SCN10A: variants seen among roughly 807,000 people sequenced by gnomAD.
The protein encoded by SCN10A is sodium channel protein type 10 subunit alpha.
A neutral mutation model predicts 170.7 loss-of-function variants in SCN10A; 162 were observed. The observed-to-expected ratio is 0.95, with a 90% confidence interval of 0.84 to 1.08. The LOEUF (loss-of-function observed/expected upper bound fraction) is 1.08. Among genes scored for constraint, SCN10A ranks in the 50% least tolerant of loss-of-function variants. SCN10A has a pLI of 0.00. For missense variants in SCN10A, 2,527 were observed against 2,436.9 expected (o/e 1.04, Z -0.78); for synonymous variants, 985 against 904.6 (o/e 1.09, Z -1.59).
chr3:38,811,038 A>G (rs1429317367), intron 1 of SCN10A, among the ~76,000 whole-genome samples: 1 of 152,202 alleles, frequency 6.6e-6, no homozygotes, highest in Non-Finnish European at 1.5e-5. Flanking sequence ...ATAATCTTGG[A>G]TACTGGAGCC....
At chr3:38,768,101 C>T (rs1185715548) in intron 5 of SCN10A, among the ~76,000 whole-genome samples, 1 of 151,928 alleles carries the variant, frequency 6.6e-6, no homozygotes, top group Admixed American at 6.6e-5. Flanking sequence ...TATCTTTTCC[C>T]ATCTCTTTAC....
At chr3:38,768,957 C>T (rs904021297) in intron 5 of SCN10A, among the ~76,000 whole-genome samples, 6 of 151,920 alleles carry the variant, frequency 3.9e-5, no homozygotes, top group African/African-American at 1.4e-4. Context: ...TTTAAAAATT[C>T]TTTCTTTTTG....
chr3:38,728,810 G>C lies in SCN10A; in HGVS notation c.2372C>G (p.Thr791Ser), dbSNP rs1303166399. The C allele has an allele frequency of 6.2e-7, 1 of 1,614,154 alleles. No individual in the cohort carries two copies. Among genetic ancestry groups the C allele is most frequent in the Non-Finnish European group, 8.5e-7 (1 of 1,180,030 alleles). Residue 791 changes from threonine to serine, a missense_variant, in exon 16 of 28, where the codon ACC becomes AGC. By Grantham distance (58) the Thr-to-Ser change is moderately conservative. Transcript: ENST00000449082. ...GNSVGALGNL[T>S]IILAIIVFVF... is the part of the protein sequence containing the mutation. ...AAAGACAATGATGGCCAGGATGATG[G>C]TGAGGTTCCCCAGTGCCCCCACTGA...
rs2063098510 is a variant in SCN10A at position 38,697,275 on chromosome 3, C to T, written c.*74G>A. On this transcript the variant is annotated 3_prime_UTR_variant, in exon 28 of 28. Coordinates refer to ENST00000449082, the MANE Select transcript of SCN10A (RefSeq NM_006514.4). ...TGGTGAGGCTGTAGCTGGGTGTGAT[C>T]TGCAATGGGAAAGAGTTAACACAGA... is the stretch of plus-strand genomic sequence containing the variant. 6.4e-7 allele frequency: 1 copy of T among 1,561,344 alleles called. No individual in the cohort carries two copies. The highest frequency in any genetic ancestry group is 2.1e-4 in the Middle Eastern group (1 of 4,848).
intron 5 of SCN10A, 150 bp from the exon 6 acceptor site, chr3:38,763,746 C>T: frequency 1.6e-6 from 1 of 631,246 alleles, no homozygotes; most frequent in Admixed American, 2.7e-5. Flanking sequence ...TATAGACTGA[C>T]ACTGACACTG....
intron 27 of SCN10A, 149 bp downstream of exon 27, chr3:38,701,690 G>A: frequency 1.4e-6 from 1 of 695,688 alleles, no homozygotes; most frequent in African/African-American, 1.8e-5. Flanking sequence ...TTTAAAACTT[G>A]CTACTCTTGG....
intron 4 of SCN10A, among the ~76,000 whole-genome samples, chr3:38,782,768 G>A (rs915646405): frequency 2.6e-5 from 4 of 151,854 alleles, no homozygotes; most frequent in Non-Finnish European, 4.4e-5. Context: ...TTTTTGCAAT[G>A]GTCATTTATT....
intron 20 of SCN10A, 39 bp downstream of exon 20, chr3:38,722,219 T>C (rs1160104104): frequency 2.5e-6 from 4 of 1,591,662 alleles, no homozygotes; most frequent in Non-Finnish European, 3.4e-6. Flanking sequence ...GAGATTCCTA[T>C]CTGGAGGATT....
In SCN10A at chr3:38,698,444, C is replaced by A. The variant is rs765953951; in HGVS notation, c.4776G>T (p.Gly1592=). 10 of 1,614,196 alleles carry A rather than the reference C, an allele frequency of 6.2e-6. No individual in the cohort carries two copies. The highest frequency in any genetic ancestry group is 8.5e-6 in the Non-Finnish European group (10 of 1,180,030). ...RILRLIRAAK[G]IRTLLFALMM... is the part of the protein sequence containing the mutation. ...TGAGGGCAAAGAGCAGTGTGCGGATCCCCTTGGCCGCTCGGATCAGTCTGA... is the reference window on the plus strand; with the variant it reads ...TGAGGGCAAAGAGCAGTGTGCGGATACCCTTGGCCGCTCGGATCAGTCTGA... Residue 1592 remains glycine, a synonymous_variant, in exon 28 of 28, where the codon GGG becomes GGT. Transcript: ENST00000449082.
At chr3:38,722,113 T>G in intron 20 of SCN10A, 145 bp downstream of exon 20, 2 of 799,522 alleles carry the variant, frequency 2.5e-6, no homozygotes, top group Non-Finnish European at 3.9e-6. Flanking sequence ...GCCCTCGCCC[T>G]GGGCTGCAGC....
intron 21 of SCN10A, among the ~76,000 whole-genome samples, chr3:38,717,907 G>A (rs574168108): frequency 1.3e-5 from 2 of 152,336 alleles, no homozygotes; most frequent in East Asian, 1.9e-4. Flanking sequence ...TTAAGATGAG[G>A]AAGAGATGAC....
At position 38,697,582 on chromosome 3, in the gene SCN10A, G is replaced by T. The variant is rs1211505552; in HGVS notation, c.5638C>A (p.Pro1880Thr). 7 of 1,614,058 alleles carry T rather than the reference G, an allele frequency of 4.3e-6. No individual in the cohort carries two copies. The highest frequency in any genetic ancestry group is 5.9e-6 in the Non-Finnish European group (7 of 1,180,040). The change falls in exon 28 of 28, where the codon CCC becomes ACC. Residue 1880 changes from proline to threonine, a missense_variant. Transcript: ENST00000449082. ...SMALSNTPCV[P>T]RAEEEAASLP... is the part of the protein sequence containing the mutation. ...GATGCAGCCTCCTCCTCAGCTCTGG[G>T]CACACATGGGGTGTTAGAGAGTGCC...
intron 4 of SCN10A, among the ~76,000 whole-genome samples, chr3:38,778,036 G>T (rs948051198): frequency 7.2e-5 from 11 of 151,960 alleles, no homozygotes; most frequent in African/African-American, 2.7e-4. Context: ...GTATCCATTT[G>T]GGCAAATCCC....
intron 15 of SCN10A, among the ~76,000 whole-genome samples, chr3:38,732,044 T>C (rs1227038930): frequency 6.6e-6 from 1 of 152,236 alleles, no homozygotes; most frequent in African/African-American, 2.4e-5. Flanking sequence ...CCACTGGCTC[T>C]ATAACAAAGG....
Position 38,792,169 on chromosome 3 carries a change from C to T in SCN10A, c.271-1G>A, listed in dbSNP as rs1279055840. On this transcript the variant is annotated splice_acceptor_variant, in intron 2 of 27. Coordinates refer to ENST00000449082, the MANE Select transcript of SCN10A (RefSeq NM_006514.4). LOFTEE classifies it high-confidence loss of function. ...TCCCTTTGTTCAGCACCATAAATGT[C>T]TGAAACAAAACAAAACAGAAAGTGG... The T allele has an allele frequency of 6.2e-7, 1 of 1,612,518 alleles. No homozygotes were observed. Among genetic ancestry groups the T allele is most frequent in the Non-Finnish European group, 8.5e-7 (1 of 1,179,510 alleles).
At chr3:38,801,687 T>A (rs2064371202) in intron 1 of SCN10A, among the ~76,000 whole-genome samples, 1 of 152,220 alleles carries the variant, frequency 6.6e-6, no homozygotes, top group East Asian at 1.9e-4. Context: ...CCAATAGAGG[T>A]CTTTCCCTAC....
Position 38,709,353 on chromosome 3 carries a change from CT to C in SCN10A, c.4281+124del, listed in dbSNP as rs2063246312. The C allele has an allele frequency of 3.1e-6, 3 of 977,538 alleles. No individual in the cohort carries two copies. In the Admixed American group the frequency reaches 7.5e-5, roughly 24 times the overall value. 60.6% of individuals were successfully genotyped at this position (977,538 alleles called of 1,614,324 possible). A position where few individuals can be genotyped will look rare whatever the true frequency, so the allele number is the denominator to read the frequency against. ...AGCAATCACAGGGCAAGGGTTAGCACTGATATTAAAGTGATGGGCTGTGAGT... is the reference window on the plus strand; with the variant it reads ...AGCAATCACAGGGCAAGGGTTAGCACGATATTAAAGTGATGGGCTGTGAGT... On this transcript the variant is annotated intron_variant, in intron 25 of 27. Coordinates refer to ENST00000449082, the MANE Select transcript of SCN10A (RefSeq NM_006514.4).
At chr3:38,785,013 C>T (rs572895474) in intron 4 of SCN10A, among the ~76,000 whole-genome samples, 1 of 152,270 alleles carries the variant, frequency 6.6e-6, no homozygotes, top group East Asian at 1.9e-4. Context: ...ACATTCCATG[C>T]TCATGGATAG....
At chr3:38,760,791 C>G (rs769274495) in intron 7 of SCN10A, 44 bp from the exon 8 acceptor site, 2 of 1,502,006 alleles carry the variant, frequency 1.3e-6, no homozygotes. Context: ...GGTTCTGAAC[C>G]CTCCAACCCA....
Sources: allele counts gnomAD v4.1 joint callset (sites outside exome capture counted in the v4.1 genomes callset), GRCh38; gene constraint gnomAD v4.1.1; transcripts MANE v1.5; gene names NCBI Gene and HGNC (gene_info 2026-07-23, HGNC 2026-07-21).